The following ZNF441 variants were observed in gnomAD, a reference collection of about 807,000 sequenced individuals.
ZNF441 encodes the protein zinc finger protein 441.
ZNF441 carries 25 observed loss-of-function variants against 64.5 expected under a neutral mutation model. That is an observed-to-expected ratio of 0.39 (90% CI 0.28 to 0.54). The LOEUF is 0.54. ZNF441 is among the 20% of genes least tolerant of loss of function. The probability of loss-of-function intolerance (pLI) is 0.70; values close to 1 mark genes in which losing one functional copy is unlikely to be tolerated. For missense variants in ZNF441, 715 were observed against 843.3 expected, an observed-to-expected ratio of 0.85 and a Z score of 1.88; for synonymous variants, 262 against 268.0, an observed-to-expected ratio of 0.98 and a Z score of 0.22.
intron 2 of ZNF441, 73 bp downstream of exon 2, chr19:11,777,810 A>G (rs1204062655): frequency 3.2e-6 from 5 of 1,543,302 alleles, no homozygotes; most frequent in Non-Finnish European, 4.4e-6. Context: ...CTGTTCAATT[A>G]TTTGAAATAT....
At chr19:11,770,678 C>T (rs544038703) in intron 1 of ZNF441, among the ~76,000 whole-genome samples, 2 of 152,102 alleles carry the variant, frequency 1.3e-5, no homozygotes, top group Non-Finnish European at 1.5e-5. Flanking sequence ...AGTGATCCTC[C>T]CACCTCAGCC....
chr19:11,777,746 GTCA>G lies in ZNF441; in HGVS notation c.130+14_130+16del. The G allele has an allele frequency of 1.3e-6, 2 of 1,599,774 alleles. No homozygotes were observed. Among genetic ancestry groups the G allele is most frequent in the Non-Finnish European group, 1.7e-6 (2 of 1,175,494 alleles). On this transcript the variant is annotated intron_variant, in intron 2 of 3. Coordinates refer to ENST00000357901, the MANE Select transcript of ZNF441 (RefSeq NM_152355.3). Reference sequence around the variant, plus strand: ...AAACCTGGACTGTATAGGTAAGGATGTCATCATGTCTTCACTTAGTCAATTAGA... The same window carrying G: ...AAACCTGGACTGTATAGGTAAGGATGTCATGTCTTCACTTAGTCAATTAGA...
Position 11,767,334 on chromosome 19 carries a change from AC to A in ZNF441, c.3+139del. 1 of 1,378,350 alleles carries A rather than the reference AC, an allele frequency of 7.3e-7. No homozygotes were observed. Among genetic ancestry groups the A allele is most frequent in the African/African-American group, 1.4e-5 (1 of 69,136 alleles). The allele number at this position is 1,378,350 out of a possible 1,614,324, so 85.4% of individuals were successfully genotyped here. On this transcript the variant is annotated intron_variant, in intron 1 of 3. Coordinates refer to ENST00000357901, the MANE Select transcript of ZNF441 (RefSeq NM_152355.3). This position sits in a 1 kb window ranked among gnomAD's most constrained non-coding sequence, Gnocchi z 5.1. ...CTCGGCCCTCGGTTCCCTCGGCCGCACGATGGGGCTGGGGCGGCAGCCGGGA... is the reference window on the plus strand; with the variant it reads ...CTCGGCCCTCGGTTCCCTCGGCCGCAGATGGGGCTGGGGCGGCAGCCGGGA...
At chr19:11,771,949 T>G (rs1789487580) in intron 1 of ZNF441, among the ~76,000 whole-genome samples, 2 of 152,220 alleles carry the variant, frequency 1.3e-5, no homozygotes, top group African/African-American at 4.8e-5. Flanking sequence ...CATGCTGTGC[T>G]TCAGTGGTCA....
chr19:11,772,832 G>T (rs1456003446), intron 1 of ZNF441, among the ~76,000 whole-genome samples: 5 of 152,156 alleles, frequency 3.3e-5, no homozygotes, highest in Non-Finnish European at 7.3e-5. Context: ...AGTAGAAGTT[G>T]CAGTGAGATA....
intron 1 of ZNF441, among the ~76,000 whole-genome samples, chr19:11,775,531 G>A (rs930111245): frequency 4.0e-5 from 6 of 150,728 alleles, no homozygotes; most frequent in African/African-American, 1.2e-4. Context: ...GGGTTTCACC[G>A]TGTTAGCTAG....
intron 1 of ZNF441, among the ~76,000 whole-genome samples, chr19:11,775,186 T>A (rs1276494782): frequency 6.6e-6 from 1 of 152,246 alleles, no homozygotes; most frequent in Non-Finnish European, 1.5e-5. Flanking sequence ...TGCTTTAGCC[T>A]TACCTTTCTG....
At chr19:11,771,734 G>A (rs896580825) in intron 1 of ZNF441, among the ~76,000 whole-genome samples, 8 of 152,218 alleles carry the variant, frequency 5.3e-5, no homozygotes, top group African/African-American at 1.2e-4. Context: ...TGACGCCAGC[G>A]TCTGGGAAGA....
chr19:11,781,486 T>G lies in ZNF441; in HGVS notation c.1662T>G (p.Thr554=), dbSNP rs770707677. Residue 554 remains threonine (T), a synonymous_variant, in exon 4 of 4, where the codon ACT becomes ACG. Transcript: ENST00000357901. ...SYIQLHERTH[T]GEKPYGCQQC... ...TTCAACTACATGAAAGGACTCACAC[T>G]GGAGAGAAACCCTATGGTTGTCAGC... 2.5e-6 allele frequency: 4 copies of G among 1,614,188 alleles called. No individual in the cohort carries two copies. Among genetic ancestry groups the G allele is most frequent in the Non-Finnish European group, 2.5e-6 (3 of 1,180,016 alleles).
Position 11,781,227 on chromosome 19 carries a change from C to G in ZNF441, c.1403C>G (p.Thr468Ser). The G allele has an allele frequency of 6.2e-7, 1 of 1,613,596 alleles. No homozygotes were observed. Among genetic ancestry groups the G allele is most frequent in the Non-Finnish European group, 8.5e-7 (1 of 1,179,924 alleles). Reference protein sequence around the residue: ...SSNYIRVHEKTHTGEKPYECK... With the variant: ...SSNYIRVHEKSHTGEKPYECK... ...AATTACATTCGAGTACATGAAAAGACTCACACTGGAGAAAAGCCCTATGAA... is the reference window on the plus strand; with the variant it reads ...AATTACATTCGAGTACATGAAAAGAGTCACACTGGAGAAAAGCCCTATGAA... Residue 468 changes from threonine (T) to serine (S), a missense_variant, in exon 4 of 4, where the codon ACT (threonine) becomes AGT (serine). Around this residue, in one of 2 missense-constraint regions of ZNF441, gnomAD observed 316 missense variants for 429.3 expected, o/e 0.74. Transcript: ENST00000357901.
At chr19:11,774,787 AT>A (rs1011675542) in intron 1 of ZNF441, among the ~76,000 whole-genome samples, 8 of 151,968 alleles carry the variant, frequency 5.3e-5, no homozygotes, top group African/African-American at 1.9e-4. Flanking sequence ...TCTAAATTAA[AT>A]TTTTTTTCCA....
At chr19:11,773,177 A>T (rs1975329013) in intron 1 of ZNF441, among the ~76,000 whole-genome samples, 1 of 152,198 alleles carries the variant, frequency 6.6e-6, no homozygotes. Context: ...TGCAATATTT[A>T]CATTTGCTTG....
intron 1 of ZNF441, among the ~76,000 whole-genome samples, chr19:11,776,478 C>T (rs1424043326): frequency 1.3e-5 from 2 of 152,040 alleles, no homozygotes; most frequent in Non-Finnish European, 2.9e-5. Context: ...TAGATTTGGT[C>T]ATGTAATTTT....
chr19:11,769,291 A>G (rs893226681), intron 1 of ZNF441, among the ~76,000 whole-genome samples: 7 of 152,374 alleles, frequency 4.6e-5, no homozygotes, highest in African/African-American at 1.7e-4. Context: ...GATGCTGGGC[A>G]GAAGATGGAT....
chr19:11,773,714 G>T (rs1975333755), intron 1 of ZNF441, among the ~76,000 whole-genome samples: 1 of 152,110 alleles, frequency 6.6e-6, no homozygotes. Flanking sequence ...TCCATCGTGT[G>T]TAATTTTTTT....
Position 11,781,027 on chromosome 19 carries a change from T to A in ZNF441, c.1203T>A (p.Ser401Arg). The A allele has an allele frequency of 1.2e-6, 2 of 1,614,138 alleles. No homozygotes were observed. The highest frequency in any genetic ancestry group is 1.7e-6 in the Non-Finnish European group (2 of 1,180,006). The change falls in exon 4 of 4, where the codon AGT (serine) becomes AGA (arginine). Residue 401 changes from serine (S) to arginine (R), a missense_variant. Ser to Arg is a moderately radical substitution (Grantham distance 110). Around this residue, in one of 2 missense-constraint regions of ZNF441, gnomAD observed 316 missense variants for 429.3 expected, o/e 0.74. Transcript: ENST00000357901. Reference sequence around the variant, plus strand: ...AATGTGAATGTGGGAAAGCCTTTAGTGATTTCTATTACTTTCGAAATCATG... The same window carrying A: ...AATGTGAATGTGGGAAAGCCTTTAGAGATTTCTATTACTTTCGAAATCATG... ...PYKCECGKAF[S>R]DFYYFRNHET... is the part of the protein sequence containing the mutation.
Position 11,777,669 on chromosome 19 carries a change from TG to T in ZNF441, c.65del (p.Gly22ValfsTer11). 1 of 1,613,872 alleles carries T rather than the reference TG, an allele frequency of 6.2e-7. No individual in the cohort carries two copies. Among genetic ancestry groups the T allele is most frequent in the Non-Finnish European group, 8.5e-7 (1 of 1,179,824 alleles). The part of the protein sequence containing the change: ...INFTCEEWAL[L>X]GPSQKSLYRD... ...TTCACCTGTGAGGAGTGGGCTTTGC[TG>T]GGTCCATCACAGAAGAGTCTCTACA... On this transcript the variant is annotated frameshift_variant, in exon 2 of 4. Transcript: ENST00000357901. LOFTEE classifies it high-confidence loss of function.
Position 11,767,090 on chromosome 19 carries a change from T to G in ZNF441, c.-104T>G. ...CCCCTGCACTGGGCTCCGGGTTCTG[T>G]CACTGAGAGACGCCCTGGAACGTCT... On this transcript the variant is annotated 5_prime_UTR_variant, in exon 1 of 4. Transcript: ENST00000357901. This position sits in a 1 kb window ranked among gnomAD's most constrained non-coding sequence, Gnocchi z 5.1. 6.5e-7 allele frequency: 1 copy of G among 1,533,078 alleles called. No homozygotes were observed. Among genetic ancestry groups the G allele is most frequent in the Non-Finnish European group, 8.8e-7 (1 of 1,131,334 alleles). 95.0% of individuals were successfully genotyped at this position (1,533,078 alleles called of 1,614,324 possible).
chr19:11,771,342 A>G (rs1975311679), intron 1 of ZNF441, among the ~76,000 whole-genome samples: 1 of 152,246 alleles, frequency 6.6e-6, no homozygotes, highest in Non-Finnish European at 1.5e-5. Flanking sequence ...GAACTAATTA[A>G]TATGAAAAGG....
Sources: gnomAD v4.1 joint callset for allele counts (sites outside exome capture counted in the v4.1 genomes callset) on GRCh38, gnomAD v4.1.1 for gene constraint, gnomAD v4.1.1 regional missense constraint, Gnocchi (gnomAD v3.1) non-coding constraint, MANE v1.5 for transcripts, NCBI Gene and HGNC (gene_info 2026-07-23, HGNC 2026-07-21) for gene names.